Variants in ADGRL2 observed in about 807,000 individuals in gnomAD.
The protein encoded by ADGRL2 is adhesion G protein-coupled receptor L2, also known as calcium-independent alpha-latrotoxin receptor 2.
Under a neutral mutation model 157.4 loss-of-function variants are expected in ADGRL2, and 44 were observed. That is an observed-to-expected ratio of 0.28 (90% CI 0.22 to 0.36). ADGRL2 has a LOEUF of 0.36. Among genes scored for constraint, ADGRL2 ranks in the 10% least tolerant of loss-of-function variants. The pLI is 1.00. For missense variants in ADGRL2, 1,510 were observed against 1,768.9 expected, an observed-to-expected ratio of 0.85 and a Z score of 2.63; for synonymous variants, 585 against 624.7, an observed-to-expected ratio of 0.94 and a Z score of 0.95.
chr1:81,581,860 CCACACACATGCGCGCACACACACA>C (rs1478177778), intron 3 of ADGRL2, among the ~76,000 whole-genome samples: 1 of 129,256 alleles, frequency 7.7e-6, no homozygotes, highest in African/African-American at 2.9e-5. Context: ...CCTCCCACCA[CCACACACATGCGCGCACACACACA>C]CACACACACA....
intron 1 of ADGRL2, among the ~76,000 whole-genome samples, chr1:81,700,015 G>C (rs2083528662): frequency 6.6e-6 from 1 of 152,140 alleles, no homozygotes; most frequent in Non-Finnish European, 1.5e-5. Context: ...ACAGTTTCTG[G>C]CTAATGAAAT....
chr1:81,947,401 G>C (rs940777291), intron 6 of ADGRL2, among the ~76,000 whole-genome samples: 11 of 152,232 alleles, frequency 7.2e-5, no homozygotes, highest in South Asian at 2.1e-4. Context: ...TATTTTTCTA[G>C]AGTCTATGAA....
chr1:81,599,163 C>T (rs542289593), intron 3 of ADGRL2, among the ~76,000 whole-genome samples: 1 of 152,322 alleles, frequency 6.6e-6, no homozygotes, highest in African/African-American at 2.4e-5. Context: ...GCATCCAATG[C>T]CTGAACTTCA....
intron 1 of ADGRL2, among the ~76,000 whole-genome samples, chr1:81,705,697 G>A (rs1396104885): frequency 1.3e-5 from 2 of 150,206 alleles, no homozygotes; most frequent in Non-Finnish European, 3.0e-5. Context: ...TGGGAGGATC[G>A]CTTGAGGCCA....
At chr1:81,504,202 C>T (rs545098946) in intron 2 of ADGRL2, among the ~76,000 whole-genome samples, 1 of 152,160 alleles carries the variant, frequency 6.6e-6, no homozygotes, top group Non-Finnish European at 1.5e-5. Flanking sequence ...GCCGCCCCCC[C>T]AAACCTCATG....
chr1:81,314,448 C>G (rs1006932000), intron 1 of ADGRL2, among the ~76,000 whole-genome samples: 3 of 151,996 alleles, frequency 2.0e-5, no homozygotes, highest in Admixed American at 2.0e-4. Flanking sequence ...TAGTTTGTAC[C>G]CAGAGCAGGG....
At chr1:81,902,879 T>A (rs190713916) in intron 2 of ADGRL2, among the ~76,000 whole-genome samples, 28 of 152,358 alleles carry the variant, frequency 1.8e-4, no homozygotes, top group African/African-American at 6.3e-4. Context: ...CATGGACTTT[T>A]GAAAATTATT....
intron 2 of ADGRL2, among the ~76,000 whole-genome samples, chr1:81,519,381 A>G (rs1488040758): frequency 6.6e-6 from 1 of 152,210 alleles, no homozygotes; most frequent in East Asian, 1.9e-4. Flanking sequence ...GAAGGATCAC[A>G]ATTTATTCCA....
intron 3 of ADGRL2, among the ~76,000 whole-genome samples, chr1:81,912,527 G>T (rs773802708): frequency 6.6e-6 from 1 of 152,128 alleles, no homozygotes; most frequent in Non-Finnish European, 1.5e-5. Context: ...AGTCAACAAA[G>T]AATGTAAAGG....
At chr1:81,625,657 C>G (rs2081894903) in intron 3 of ADGRL2, 2 of 152,154 alleles carry the variant, frequency 1.3e-5, no homozygotes, top group African/African-American at 4.8e-5. Flanking sequence ...TGTCTTACCC[C>G]TTTAGAAGAG....
At chr1:81,539,354 G>A (rs747321905) in intron 2 of ADGRL2, among the ~76,000 whole-genome samples, 4 of 151,958 alleles carry the variant, frequency 2.6e-5, no homozygotes, top group Non-Finnish European at 5.9e-5. Context: ...ACTGTAAAAC[G>A]CATATTGACA....
At chr1:81,693,854 C>T (rs919435039) in intron 3 of ADGRL2, among the ~76,000 whole-genome samples, 10 of 152,072 alleles carry the variant, frequency 6.6e-5, no homozygotes, top group Non-Finnish European at 1.3e-4. Flanking sequence ...TGGACTGGCC[C>T]GAGTTATTGA....
intron 3 of ADGRL2, among the ~76,000 whole-genome samples, chr1:81,669,485 T>TTAAG (rs112243381): frequency 0.73 from 110,633 of 151,666 alleles, 40,712 homozygotes; most frequent in South Asian, 0.79. Context: ...CAAGTATTTA[T>TTAAG]TATTTACTGT....
At chr1:81,672,123 A>G (rs763296203) in intron 3 of ADGRL2, among the ~76,000 whole-genome samples, 50 of 152,312 alleles carry the variant, frequency 3.3e-4, no homozygotes, top group Admixed American at 4.6e-4. Context: ...TGGTGTCACA[A>G]TGTCTTATCT....
intron 1 of ADGRL2, among the ~76,000 whole-genome samples, chr1:81,815,637 G>A (rs1261032357): frequency 6.6e-6 from 1 of 151,700 alleles, no homozygotes; most frequent in East Asian, 1.9e-4. Flanking sequence ...TATGGTGACA[G>A]TTTGTACAAA....
intron 3 of ADGRL2, among the ~76,000 whole-genome samples, chr1:81,587,107 C>T (rs1264638283): frequency 6.6e-6 from 1 of 152,056 alleles, no homozygotes; most frequent in African/African-American, 2.4e-5. Context: ...AAGAACAAGA[C>T]AAGTTCTTCC....
chr1:81,586,427 G>A (rs1418627372), intron 3 of ADGRL2: 1 of 152,036 alleles, frequency 6.6e-6, no homozygotes, highest in African/African-American at 2.4e-5. Flanking sequence ...TCATAACCAT[G>A]ATTTATGCCA....
intron 2 of ADGRL2, among the ~76,000 whole-genome samples, chr1:81,869,986 A>G (rs1049621219): frequency 6.6e-6 from 1 of 152,030 alleles, no homozygotes; most frequent in Admixed American, 6.6e-5. Context: ...CAAAATTTAA[A>G]AAGTAGGAAA....
At chr1:81,761,198 A>G (rs2085869971) in intron 1 of ADGRL2, among the ~76,000 whole-genome samples, 1 of 151,906 alleles carries the variant, frequency 6.6e-6, no homozygotes, top group South Asian at 2.1e-4. Flanking sequence ...TTCCAAAGAT[A>G]TCTTAACACA....
Sources: allele counts gnomAD v4.1 joint callset (sites outside exome capture counted in the v4.1 genomes callset), GRCh38; gene constraint gnomAD v4.1.1; transcripts MANE v1.5; gene names NCBI Gene and HGNC (gene_info 2026-07-23, HGNC 2026-07-21).